Variants in FBXW8 observed in about 807,000 individuals in gnomAD.
The protein encoded by FBXW8 is F-box and WD repeat domain containing 8.
Under a neutral mutation model 65.3 loss-of-function variants are expected in FBXW8, and 57 were observed. The observed-to-expected ratio is 0.87, with a 90% confidence interval of 0.71 to 1.09. FBXW8 has a LOEUF of 1.09. Ranked by LOEUF, FBXW8 falls within the 50% of genes least tolerant of loss-of-function variation. FBXW8 has a pLI of 0.00. For missense variants in FBXW8, 777 were observed against 814.8 expected, an observed-to-expected ratio of 0.95 and a Z score of 0.57; for synonymous variants, 308 against 330.2, an observed-to-expected ratio of 0.93 and a Z score of 0.73.
chr12:116,916,224 G>T (rs1880394426), intron 1 of FBXW8, among the ~76,000 whole-genome samples: 1 of 152,138 alleles, frequency 6.6e-6, no homozygotes, highest in Non-Finnish European at 1.5e-5. Flanking sequence ...TATTCATTTG[G>T]GAGTGGAATT....
At chr12:116,998,109 G>A (rs770281757) in intron 7 of FBXW8, among the ~76,000 whole-genome samples, 5 of 152,162 alleles carry the variant, frequency 3.3e-5, no homozygotes, top group Non-Finnish European at 5.9e-5. Flanking sequence ...GTGAGCCACC[G>A]CGCCTGGCCC....
At chr12:116,970,880 A>T (rs1291345856) in intron 5 of FBXW8, among the ~76,000 whole-genome samples, 1 of 152,140 alleles carries the variant, frequency 6.6e-6, no homozygotes, top group Non-Finnish European at 1.5e-5. Flanking sequence ...CTTGCCTGGT[A>T]CCTTTGCCTA....
intron 8 of FBXW8, among the ~76,000 whole-genome samples, chr12:117,019,167 A>G (rs1285141279): frequency 1.3e-5 from 2 of 152,176 alleles, no homozygotes; most frequent in African/African-American, 4.8e-5. Context: ...CTGCTCCCAG[A>G]TCCCTCACTG....
intron 8 of FBXW8, among the ~76,000 whole-genome samples, chr12:117,018,181 A>G (rs1016386821): frequency 1.3e-5 from 2 of 152,118 alleles, no homozygotes; most frequent in Admixed American, 6.5e-5. Flanking sequence ...GCCGACTCCT[A>G]TGGTGTGATT....
intron 4 of FBXW8, among the ~76,000 whole-genome samples, chr12:116,962,465 C>T (rs150510778): frequency 2.6e-5 from 4 of 152,198 alleles, no homozygotes; most frequent in East Asian, 1.9e-4. Flanking sequence ...TCTCCACCCT[C>T]GCCTCCCCAC....
chr12:116,930,341 GGT>G (rs1881673164), intron 2 of FBXW8, among the ~76,000 whole-genome samples: 1 of 152,092 alleles, frequency 6.6e-6, no homozygotes, highest in South Asian at 2.1e-4. Context: ...TTGTCTTTTT[GGT>G]AATAGCCATT....
In FBXW8 at chr12:117,030,450, C is replaced by T. The variant is rs941494517; in HGVS notation, c.*2278C>T. The stretch of plus-strand genomic sequence containing the variant: ...TGGCCTCGCTTTAGAAGGTTTTCAT[C>T]AAGCCCCGCCCTTTCTCTCTCATAG... On this transcript the variant is annotated 3_prime_UTR_variant, in exon 11 of 11. Coordinates refer to ENST00000652555, the MANE Select transcript of FBXW8 (RefSeq NM_153348.3). 6.6e-6 allele frequency: 1 copy of T among 152,100 alleles called. No individual in the cohort carries two copies. Among genetic ancestry groups the T allele is most frequent in the Non-Finnish European group, 1.5e-5 (1 of 68,062 alleles). The allele number at this position is 152,100 out of a possible 1,614,324, so 9.4% of individuals were successfully genotyped here. A position where few individuals can be genotyped will look rare whatever the true frequency, so the allele number is the denominator to read the frequency against.
chr12:116,979,727 T>C (rs116637184), intron 5 of FBXW8: 3,385 of 129,904 alleles, frequency 0.026, 109 homozygotes, highest in African/African-American at 0.088. Context: ...TGGGGCAAAA[T>C]GGGGGCTATA....
In FBXW8 at chr12:116,988,816, A is replaced by G. The variant is rs1260155784; in HGVS notation, c.1186A>G (p.Asn396Asp). ...TGTCACATGTCTAGACGTCTCGGCC[A>G]ACCAAGTTGCTTTTGGTGTACAGGG... is the stretch of plus-strand genomic sequence containing the variant. Reference protein sequence around the residue: ...PPVTCLDVSANQVAFGVQGLG... With the variant: ...PPVTCLDVSADQVAFGVQGLG... Residue 396 changes from asparagine (N) to aspartate (D), a missense_variant, in exon 7 of 11, where the codon AAC (asparagine) becomes GAC (aspartate). Coordinates refer to ENST00000652555, the MANE Select transcript of FBXW8 (RefSeq NM_153348.3). The G allele has an allele frequency of 1.9e-6, 3 of 1,614,188 alleles. No homozygotes were observed. Among genetic ancestry groups the G allele is most frequent in the Non-Finnish European group, 2.5e-6 (3 of 1,180,040 alleles).
chr12:116,913,438 G>A (rs547493292), intron 1 of FBXW8, among the ~76,000 whole-genome samples: 15 of 152,332 alleles, frequency 9.8e-5, no homozygotes, highest in Admixed American at 6.5e-4. Flanking sequence ...AAGCCTTATA[G>A]ATAAGTCAGT....
intron 4 of FBXW8, among the ~76,000 whole-genome samples, chr12:116,956,599 G>A (rs1338072783): frequency 2.6e-5 from 4 of 152,108 alleles, no homozygotes; most frequent in Non-Finnish European, 4.4e-5. Context: ...CTGAATCTTT[G>A]GTTGGTTCAG....
chr12:117,021,370 A>G (rs999328255), intron 8 of FBXW8, among the ~76,000 whole-genome samples: 5 of 152,172 alleles, frequency 3.3e-5, no homozygotes, highest in African/African-American at 1.2e-4. Context: ...TTTTGTTGCA[A>G]ACATTTTCCT....
At chr12:116,926,111 C>T (rs986366683) in intron 1 of FBXW8, among the ~76,000 whole-genome samples, 1 of 152,192 alleles carries the variant, frequency 6.6e-6, no homozygotes, top group Non-Finnish European at 1.5e-5. Flanking sequence ...TGCACTAGAA[C>T]AGCTAAAAAC....
Position 116,936,795 on chromosome 12 carries a change from A to G in FBXW8, c.424-8569A>G, listed in dbSNP as rs915135867. ...ATACGGGGATGTGGTGAGCAGAAGG[A>G]TAAGAGGAGGAGAGGACTCAGGATG... is the stretch of plus-strand genomic sequence containing the variant. On this transcript the variant is annotated intron_variant, in intron 2 of 10. Coordinates refer to ENST00000652555, the MANE Select transcript of FBXW8 (RefSeq NM_153348.3). The surrounding 1 kb of genome is among the most constrained non-coding windows in gnomAD (Gnocchi z 4.6). 6.6e-6 allele frequency among the ~76,000 whole-genome samples: 1 copy of G among 152,176 alleles called. No homozygotes were observed. The highest frequency in any genetic ancestry group is 2.4e-5 in the African/African-American group (1 of 41,448).
Position 116,975,187 on chromosome 12 carries a change from C to T in FBXW8, c.836-10019C>T, listed in dbSNP as rs986112198. ...TGGCAAGCACCGTAATCATAATTGT[C>T]GTAGGCAAGAATCACCAGCGGATGT... is the stretch of plus-strand genomic sequence containing the variant. On this transcript the variant is annotated intron_variant, in intron 5 of 10. Transcript: ENST00000652555. Among the ~76,000 whole-genome samples the T allele has an allele frequency of 3.9e-5, 6 of 152,180 alleles. 1 individual carries two copies. Among genetic ancestry groups the T allele is most frequent in the East Asian group, 1.9e-4 (1 of 5,188 alleles).
intron 9 of FBXW8, 33 bp from the exon 10 acceptor site, chr12:117,027,360 GC>G (rs1565949069): frequency 2.6e-6 from 4 of 1,553,412 alleles, no homozygotes; most frequent in Non-Finnish European, 3.6e-6. Flanking sequence ...CCCAGTGGAC[GC>G]CCCCTTACGA....
intron 5 of FBXW8, chr12:116,977,554 A>C (rs1247693754): frequency 6.6e-6 from 1 of 151,874 alleles, no homozygotes; most frequent in African/African-American, 2.4e-5. Flanking sequence ...TTTTTTTTTT[A>C]ATCTACTACC....
rs560940456 is a variant in FBXW8 at position 116,964,583 on chromosome 12, G to A, written c.678-114G>A. ...TCATCTAAACAGTGCCTCAGCAGTG[G>A]CTCTACACCACCCGATTCTTACTTG... On this transcript the variant is annotated intron_variant, in intron 4 of 10. Coordinates refer to ENST00000652555, the MANE Select transcript of FBXW8 (RefSeq NM_153348.3). 660 of 1,237,442 alleles carry A rather than the reference G, an allele frequency of 5.3e-4. 2 individuals are homozygous for A. Among genetic ancestry groups the A allele is most frequent in the South Asian group, 2.4e-3 (185 of 75,860 alleles). The allele number at this position is 1,237,442 out of a possible 1,614,324, so 76.7% of individuals were successfully genotyped here. A position where few individuals can be genotyped will look rare whatever the true frequency, so the allele number is the denominator to read the frequency against.
At position 116,911,277 on chromosome 12, in the gene FBXW8, G is replaced by A. The variant is rs1406082858; in HGVS notation, c.240G>A (p.Ala80=). ...RATRAEGQDV[A]SRSRSPLARE... is the part of the protein sequence containing the mutation. The stretch of plus-strand genomic sequence containing the variant: ...CTCGGGCCGAGGGGCAGGACGTAGC[G>A]AGCCGCTCACGTTCTCCTCTGGCCC... The change falls in exon 1 of 11, where the codon GCG becomes GCA. Residue 80 remains alanine, a synonymous_variant. Transcript: ENST00000652555. 14 of 1,261,028 alleles carry A rather than the reference G, an allele frequency of 1.1e-5. No individual in the cohort carries two copies. Among genetic ancestry groups the A allele is most frequent in the South Asian group, 3.1e-5 (1 of 32,216 alleles). 78.1% of individuals were successfully genotyped at this position (1,261,028 alleles called of 1,614,324 possible).
Sources: allele counts gnomAD v4.1 joint callset (sites outside exome capture counted in the v4.1 genomes callset), GRCh38; gene constraint gnomAD v4.1.1; non-coding constraint Gnocchi (gnomAD v3.1); transcripts MANE v1.5; gene names NCBI Gene and HGNC (gene_info 2026-07-23, HGNC 2026-07-21).